The following C7orf57 variants were observed in gnomAD, a reference collection of about 807,000 sequenced individuals.
C7orf57 encodes uncharacterized protein C7orf57.
A neutral mutation model predicts 39.0 loss-of-function variants in C7orf57; 33 were observed. The observed-to-expected ratio is 0.85, with a 90% CI of 0.64 to 1.13. The LOEUF (loss-of-function observed/expected upper bound fraction) is 1.13. Among genes scored for constraint, C7orf57 ranks in the 50% most tolerant of loss-of-function variants. C7orf57 has a pLI of 0.00. For missense variants in C7orf57, 346 were observed against 362.3 expected, an observed-to-expected ratio of 0.95 and a Z score of 0.37; for synonymous variants, 124 against 137.1, an observed-to-expected ratio of 0.90 and a Z score of 0.67.
intron 5 of C7orf57, among the ~76,000 whole-genome samples, chr7:48,047,498 G>A (rs1790750950): frequency 6.6e-6 from 1 of 152,170 alleles, no homozygotes; most frequent in Non-Finnish European, 1.5e-5. Context: ...TGTTGCCTTA[G>A]CATCTTGGTT....
intron 8 of C7orf57, among the ~76,000 whole-genome samples, 154 bp downstream of exon 8, chr7:48,054,760 T>C (rs983076563): frequency 6.6e-6 from 1 of 152,118 alleles, no homozygotes; most frequent in African/African-American, 2.4e-5. Context: ...GCTTGTGCCA[T>C]GTATGCTTTA....
chr7:48,045,785 AG>A (rs1247715680), intron 4 of C7orf57, among the ~76,000 whole-genome samples: 1 of 152,158 alleles, frequency 6.6e-6, no homozygotes, highest in African/African-American at 2.4e-5. Context: ...AGGGATCTGA[AG>A]GCTGAAGCAT....
chr7:48,059,018 C>G (rs62447118), intron 8 of C7orf57, among the ~76,000 whole-genome samples: 3 of 152,266 alleles, frequency 2.0e-5, no homozygotes, highest in Middle Eastern at 3.4e-3. Context: ...CTGGAAGAAT[C>G]GTCATGTGGA....
rs771533681 is a variant in C7orf57 at position 48,041,392 on chromosome 7, G to A, written c.114G>A (p.Ala38=). The A allele has an allele frequency of 1.5e-5, 25 of 1,613,848 alleles. No individual in the cohort carries two copies. Among genetic ancestry groups the A allele is most frequent in the Admixed American group, 5.0e-5 (3 of 59,998 alleles). ...AGAAGGCCGTGGATGCCCCACCAGC[G>A]TCCCAGATCCCAGGTCTCAGCAATT... ...RSEKAVDAPP[A]SQIPGLSNLG... Residue 38 remains alanine (A), a synonymous_variant, in exon 3 of 9, where the codon GCG becomes GCA. Transcript: ENST00000348904.
Position 48,036,240 on chromosome 7 carries a change from C to T in C7orf57, c.-69C>T. 6.7e-7 allele frequency: 1 copy of T among 1,500,542 alleles called. No homozygotes were observed. The highest frequency in any genetic ancestry group is 9.1e-7 in the Non-Finnish European group (1 of 1,100,526). 93.0% of individuals were successfully genotyped at this position (1,500,542 alleles called of 1,614,324 possible). A position where few individuals can be genotyped will look rare whatever the true frequency, so the allele number is the denominator to read the frequency against. ...TCCTGGCAACTGGTCAAGCAGGCAG[C>T]GTCCAGCGCACCCGCGAACACCAGG... is the stretch of plus-strand genomic sequence containing the variant. On this transcript the variant is annotated 5_prime_UTR_variant, in exon 2 of 9. Transcript: ENST00000348904.
At chr7:48,036,434 T>C in intron 2 of C7orf57, 71 bp downstream of exon 2, 1 of 1,390,530 alleles carries the variant, frequency 7.2e-7, no homozygotes, top group Non-Finnish European at 9.6e-7. Context: ...AGACACGCTG[T>C]GGACCCAACG....
At chr7:48,054,338 C>T (rs1490339822) in intron 7 of C7orf57, among the ~76,000 whole-genome samples, 1 of 149,178 alleles carries the variant, frequency 6.7e-6, no homozygotes, top group Non-Finnish European at 1.5e-5. Context: ...CACTTGAACC[C>T]AGGAGGCGGA....
rs781390100 is a variant in C7orf57, at chr7:48,052,844, C to T, written c.750C>T (p.Ser250=). Residue 250 remains serine (S), a synonymous_variant, in exon 7 of 9, where the codon TCC becomes TCT. Coordinates refer to ENST00000348904, the MANE Select transcript of C7orf57 (RefSeq NM_001100159.3). ...CCAGGGCATCAGTGTTATCTCAGTC[C>T]CCACGAGACCTGGAAGGTCCCCAGG... The part of the protein sequence containing the change: ...KTSRASVLSQ[S]PRDLEGPQDA... 1.2e-6 allele frequency: 2 copies of T among 1,613,960 alleles called. No homozygotes were observed. Among genetic ancestry groups the T allele is most frequent in the Non-Finnish European group, 1.7e-6 (2 of 1,179,892 alleles).
At position 48,051,869 on chromosome 7, in the gene C7orf57, T is replaced by C. The variant is rs1436236863; in HGVS notation, c.606-831T>C. Among the ~76,000 whole-genome samples, 4 of 70,760 alleles carry C rather than the reference T, an allele frequency of 5.7e-5. 1 individual carries two copies. The allele number at this position is 70,760 out of a possible 152,430, so 46.4% of individuals were successfully genotyped here. A position where few individuals can be genotyped will look rare whatever the true frequency, so the allele number is the denominator to read the frequency against. ...TTTCTTTCTTTCTTTCTTTCTTTCT[T>C]TCTCTTTCTCTTTCTTTCTTTCCTT... On this transcript the variant is annotated intron_variant, in intron 6 of 8. Transcript: ENST00000348904.
At chr7:48,052,191 C>G (rs1790973501) in intron 6 of C7orf57, among the ~76,000 whole-genome samples, 1 of 151,946 alleles carries the variant, frequency 6.6e-6, no homozygotes, top group South Asian at 2.1e-4. Flanking sequence ...CCAGGATGGC[C>G]TCGATCTCTT....
At chr7:48,041,257 A>C in intron 2 of C7orf57, 77 bp from the exon 3 acceptor site, 86 of 1,335,382 alleles carry the variant, frequency 6.4e-5, no homozygotes, top group Non-Finnish European at 8.4e-5. Context: ...TTGTCTGCAT[A>C]GAGATACTCT....
intron 6 of C7orf57, among the ~76,000 whole-genome samples, chr7:48,052,337 G>T (rs1317277066): frequency 6.6e-6 from 1 of 152,124 alleles, no homozygotes; most frequent in Non-Finnish European, 1.5e-5. Flanking sequence ...TGAGGGAAGG[G>T]CATGGTGTTT....
In C7orf57 at chr7:48,035,819, C is replaced by T. The variant is rs1394723934; in HGVS notation, c.-102+189C>T. Among the ~76,000 whole-genome samples, 2 of 152,304 alleles carry T rather than the reference C, an allele frequency of 1.3e-5. No homozygotes were observed. Among genetic ancestry groups the T allele is most frequent in the East Asian group, 3.9e-4 (2 of 5,164 alleles). ...CCAAGTCCCGCGGCCCCTTGGTTAC[C>T]TGTTGCTTATCCTCTCTGTACTTGC... On this transcript the variant is annotated intron_variant, in intron 1 of 8. Coordinates refer to ENST00000348904, the MANE Select transcript of C7orf57 (RefSeq NM_001100159.3). This position sits in a 1 kb window ranked among gnomAD's most constrained non-coding sequence, Gnocchi z 4.0.
chr7:48,045,290 C>T (rs1447047672), intron 4 of C7orf57, among the ~76,000 whole-genome samples: 2 of 40,910 alleles, frequency 4.9e-5, no homozygotes, highest in African/African-American at 1.1e-4. Context: ...AATTGTCCCT[C>T]CCTTTGTTGT....
intron 6 of C7orf57, among the ~76,000 whole-genome samples, chr7:48,051,728 CTTTT>C: frequency 1.4e-5 from 1 of 71,938 alleles, no homozygotes; most frequent in Non-Finnish European, 3.2e-5. Flanking sequence ...CTTTCTTTCT[CTTTT>C]TCTTTTCTTT....
intron 7 of C7orf57, among the ~76,000 whole-genome samples, chr7:48,053,667 T>C (rs988122558): frequency 6.6e-6 from 1 of 152,102 alleles, no homozygotes; most frequent in African/African-American, 2.4e-5. Context: ...CCCCGGCTGG[T>C]CTCAAACTCC....
At chr7:48,041,917 G>A (rs1790561941) in intron 3 of C7orf57, among the ~76,000 whole-genome samples, 1 of 152,158 alleles carries the variant, frequency 6.6e-6, no homozygotes, top group Admixed American at 6.5e-5. Flanking sequence ...TTCTCATTGC[G>A]GCTTGTCCTT....
chr7:48,051,750 T>TTTTCTTTCTTTCTTTC lies in C7orf57; in HGVS notation c.606-917_606-902dup, dbSNP rs368758672. On this transcript the variant is annotated intron_variant, in intron 6 of 8. Transcript: ENST00000348904. ...TCTCTTTTTCTTTTCTTTCTTTTTC[T>TTTTCTTTCTTTCTTTC]TTTCTTTCTTTCTTTCTTTCTTTCT... Among the ~76,000 whole-genome samples the TTTTCTTTCTTTCTTTC allele has an allele frequency of 7.9e-4, 43 of 54,678 alleles. 2 individuals are homozygous for TTTTCTTTCTTTCTTTC. The highest frequency in any genetic ancestry group is 1.6e-3 in the Admixed American group (7 of 4,416). 35.9% of individuals were successfully genotyped at this position (54,678 alleles called of 152,430 possible).
Position 48,036,357 on chromosome 7 carries a change from C to T in C7orf57, c.49C>T (p.Pro17Ser). ...ELQGATHRYAPCDWYYHVPVK... is the reference protein window; with the variant it reads ...ELQGATHRYASCDWYYHVPVK... ...TCAGGGCGCCACGCACCGCTACGCTCCCTGCGGTGAGTGCGCCCTGAGCGC... is the reference window on the plus strand; with the variant it reads ...TCAGGGCGCCACGCACCGCTACGCTTCCTGCGGTGAGTGCGCCCTGAGCGC... The change falls in exon 2 of 9, where the codon CCC (proline) becomes TCC (serine). Residue 17 changes from proline (P) to serine (S), a missense_variant. Coordinates refer to ENST00000348904, the MANE Select transcript of C7orf57 (RefSeq NM_001100159.3). 1 of 1,586,240 alleles carries T rather than the reference C, an allele frequency of 6.3e-7. No homozygotes were observed. Among genetic ancestry groups the T allele is most frequent in the Admixed American group, 1.8e-5 (1 of 55,652 alleles).
Sources: allele counts gnomAD v4.1 joint callset (sites outside exome capture counted in the v4.1 genomes callset), GRCh38; gene constraint gnomAD v4.1.1; non-coding constraint Gnocchi (gnomAD v3.1); transcripts MANE v1.5; gene names NCBI Gene and HGNC (gene_info 2026-07-23, HGNC 2026-07-21).